ABCA13: variants seen among roughly 807,000 people sequenced by gnomAD.
ABCA13 encodes the protein ATP binding cassette subfamily A member 13, also known as ATP-binding cassette sub-family A member 13.
ABCA13 carries 476 observed loss-of-function variants against 478.7 expected under a neutral mutation model. The ratio of observed to expected loss-of-function variants is 0.99; its 90% CI spans 0.92 to 1.07. ABCA13 has a LOEUF of 1.07. ABCA13 is among the 50% of genes least tolerant of loss of function. The probability of loss-of-function intolerance (pLI) is 0.00; values close to 1 mark genes in which losing one functional copy is unlikely to be tolerated. For missense variants in ABCA13, 6,060 were observed against 5,910.6 expected (o/e 1.03, Z -0.83); for synonymous variants, 2,252 against 2,158.9 (o/e 1.04, Z -1.20).
chr7:48,336,548 G>A (rs1806294204), intron 28 of ABCA13, among the ~76,000 whole-genome samples: 1 of 152,154 alleles, frequency 6.6e-6, no homozygotes, highest in Non-Finnish European at 1.5e-5. Context: ...GAGTCACAGA[G>A]CTAAAGTCAG....
rs764459257 is a variant in ABCA13, at chr7:48,544,363, G to A, written c.14354+16018G>A. On this transcript the variant is annotated intron_variant, in intron 55 of 61. Transcript: ENST00000435803. ...GATTTATGGCGCTGGCAGCCTCTAG[G>A]TCACTTCAGGATGGGGCTGGTCACC... Among the ~76,000 whole-genome samples the A allele has an allele frequency of 1.6e-4, 24 of 151,910 alleles. 1 individual carries two copies. Among genetic ancestry groups the A allele is most frequent in the South Asian group, 1.2e-3 (6 of 4,808 alleles).
At chr7:48,370,198 A>G (rs183841473) in intron 32 of ABCA13, among the ~76,000 whole-genome samples, 9 of 152,182 alleles carry the variant, frequency 5.9e-5, no homozygotes, top group Admixed American at 5.2e-4. Flanking sequence ...CAGCTTGGTC[A>G]CTGTTGGTGT....
chr7:48,645,477 A>G lies in ABCA13; in HGVS notation c.15142A>G (p.Thr5048Ala). The change falls in exon 62 of 62, where the codon ACT (threonine) becomes GCT (alanine). Residue 5048 changes from threonine (T) to alanine (A), a missense_variant. By Grantham distance (58) the Thr-to-Ala change is moderately conservative. Coordinates refer to ENST00000435803, the MANE Select transcript of ABCA13 (RefSeq NM_152701.5). ...TCTACAATCTACTCTTGATCCATCC[A>G]CTGACAGTCACCACACACATCACTT... ...QTLQSTLDPSTDSHHTHHLPI is the reference protein window; with the variant it reads ...QTLQSTLDPSADSHHTHHLPI 1 of 1,589,890 alleles carries G rather than the reference A, an allele frequency of 6.3e-7. No individual in the cohort carries two copies. Among genetic ancestry groups the G allele is most frequent in the Non-Finnish European group, 8.6e-7 (1 of 1,166,912 alleles).
intron 42 of ABCA13, among the ~76,000 whole-genome samples, chr7:48,428,297 C>T (rs755762768): frequency 3.9e-5 from 6 of 152,162 alleles, no homozygotes; most frequent in Non-Finnish European, 4.4e-5. Flanking sequence ...TGCCTTCATG[C>T]GACCTCTGTC....
intron 27 of ABCA13, among the ~76,000 whole-genome samples, chr7:48,326,344 C>G (rs551808641): frequency 6.6e-6 from 1 of 152,326 alleles, no homozygotes; most frequent in South Asian, 2.1e-4. Context: ...GGGTGAATTT[C>G]AAGTTGTGAG....
intron 27 of ABCA13, among the ~76,000 whole-genome samples, chr7:48,324,366 T>G (rs1192531652): frequency 6.6e-6 from 1 of 152,200 alleles, no homozygotes; most frequent in Non-Finnish European, 1.5e-5. Flanking sequence ...CATTTTAACT[T>G]AATTGATGAT....
chr7:48,263,201 A>T (rs1416406377), intron 15 of ABCA13, among the ~76,000 whole-genome samples: 3 of 151,914 alleles, frequency 2.0e-5, no homozygotes, highest in African/African-American at 7.2e-5. Context: ...AGACGCCTAG[A>T]TGACTTGTAA....
In ABCA13 at chr7:48,389,022, T is replaced by C. The variant is rs1815626140; in HGVS notation, c.11474-18T>C. On this transcript the variant is annotated intron_variant, in intron 36 of 61. Coordinates refer to ENST00000435803, the MANE Select transcript of ABCA13 (RefSeq NM_152701.5). ...GCTTTTGAAGTCTTTTCACAATGAA[T>C]TTTCATCTCTCTCACAGGGTCATCA... 1.2e-6 allele frequency: 2 copies of C among 1,605,250 alleles called. No homozygotes were observed. The highest frequency in any genetic ancestry group is 4.5e-5 in the East Asian group (2 of 44,772).
intron 27 of ABCA13, among the ~76,000 whole-genome samples, chr7:48,327,959 G>A (rs1804584285): frequency 6.6e-6 from 1 of 152,184 alleles, no homozygotes; most frequent in Non-Finnish European, 1.5e-5. Context: ...ACAGAATTTG[G>A]TGAATCAGAT....
intron 2 of ABCA13, among the ~76,000 whole-genome samples, chr7:48,194,858 T>C (rs535798000): frequency 0.018 from 77 of 4,400 alleles, no homozygotes; most frequent in Non-Finnish European, 0.025. Flanking sequence ...TTCTACTTTA[T>C]TATTATTATC....
At chr7:48,566,712 T>C (rs1787106330) in intron 55 of ABCA13, among the ~76,000 whole-genome samples, 1 of 152,200 alleles carries the variant, frequency 6.6e-6, no homozygotes, top group South Asian at 2.1e-4. Context: ...AAATGGGTCC[T>C]GTTCACTTAA....
Position 48,224,810 on chromosome 7 carries a change from C to T in ABCA13, c.469-2452C>T, listed in dbSNP as rs894993782. On this transcript the variant is annotated intron_variant, in intron 5 of 61. Coordinates refer to ENST00000435803, the MANE Select transcript of ABCA13 (RefSeq NM_152701.5). Reference sequence around the variant, plus strand: ...AAGTCAGCGCCATATTTTAATATTTCATATGTTGTTATAGTTTATAAATGG... The same window carrying T: ...AAGTCAGCGCCATATTTTAATATTTTATATGTTGTTATAGTTTATAAATGG... Among the ~76,000 whole-genome samples, 7 of 152,114 alleles carry T rather than the reference C, an allele frequency of 4.6e-5. No individual in the cohort carries two copies. In the East Asian group the frequency reaches 7.7e-4, roughly 17 times the overall value.
intron 27 of ABCA13, among the ~76,000 whole-genome samples, chr7:48,323,644 G>A (rs1330166979): frequency 1.3e-5 from 2 of 152,190 alleles, no homozygotes; most frequent in African/African-American, 2.4e-5. Flanking sequence ...GGAAAACCAA[G>A]GTTGAAAGAG....
intron 3 of ABCA13, among the ~76,000 whole-genome samples, chr7:48,203,561 G>T (rs1004466568): frequency 2.0e-5 from 3 of 152,202 alleles, no homozygotes; most frequent in African/African-American, 7.2e-5. Context: ...GTAGCTTATG[G>T]TTATGAAAAT....
At chr7:48,382,253 C>T (rs1428208435) in intron 35 of ABCA13, among the ~76,000 whole-genome samples, 1 of 152,146 alleles carries the variant, frequency 6.6e-6, no homozygotes, top group Non-Finnish European at 1.5e-5. Context: ...TGCATCCTAC[C>T]TGCATGTTGA....
In ABCA13 at chr7:48,193,019, C is replaced by T. The variant is rs546968040; in HGVS notation, c.130C>T (p.Arg44Cys). 20 of 1,529,296 alleles carry T rather than the reference C, an allele frequency of 1.3e-5. No homozygotes were observed. In the East Asian group the frequency reaches 2.0e-4, roughly 15 times the overall value. The allele number at this position is 1,529,296 out of a possible 1,614,324, so 94.7% of individuals were successfully genotyped here. A position where few individuals can be genotyped will look rare whatever the true frequency, so the allele number is the denominator to read the frequency against. ...CCTGTTTGTAATTCTGACAGTTCTTCGTTTTCAAGAACCTCCCAGATACAG... is the reference window on the plus strand; with the variant it reads ...CCTGTTTGTAATTCTGACAGTTCTTTGTTTTCAAGAACCTCCCAGATACAG... ...CILFVILTVL[R>C]FQEPPRYRDI... is the part of the protein sequence containing the mutation. Residue 44 changes from arginine (R) to cysteine (C), a missense_variant, in exon 2 of 62, where the codon CGT becomes TGT. By Grantham distance (180) the Arg-to-Cys change is radical (BLOSUM62 -3). Around this residue, in one of 3 missense-constraint regions of ABCA13, gnomAD observed 4,423 missense variants for 4,309.1 expected, o/e 1.03. Coordinates refer to ENST00000435803, the MANE Select transcript of ABCA13 (RefSeq NM_152701.5).
At chr7:48,197,661 T>TCC (rs1244406930) in intron 2 of ABCA13, among the ~76,000 whole-genome samples, 1,903 of 152,248 alleles carry the variant, frequency 0.012, 18 homozygotes, top group Admixed American at 0.02. Flanking sequence ...GAAGGGAGGA[T>TCC]ATGGTTGGGG....
intron 47 of ABCA13, 68 bp downstream of exon 47, chr7:48,483,231 A>G (rs1373752968): frequency 8.5e-6 from 12 of 1,404,868 alleles, no homozygotes; most frequent in Non-Finnish European, 1.2e-5. Flanking sequence ...TTCAAATATA[A>G]TTTTGAGCAC....
At chr7:48,343,360 T>G (rs954657387) in intron 29 of ABCA13, among the ~76,000 whole-genome samples, 6 of 152,146 alleles carry the variant, frequency 3.9e-5, no homozygotes, top group Non-Finnish European at 8.8e-5. Flanking sequence ...TTTCCTGTAC[T>G]CCTGGATAGA....
Sources: allele counts gnomAD v4.1 joint callset (sites outside exome capture counted in the v4.1 genomes callset), GRCh38; gene constraint gnomAD v4.1.1; regional missense constraint gnomAD v4.1.1; transcripts MANE v1.5; gene names NCBI Gene and HGNC (gene_info 2026-07-23, HGNC 2026-07-21).